Variants in FAXC observed in about 807,000 individuals in gnomAD.
The protein encoded by FAXC is failed axon connections homolog, metaxin like GST domain containing, also known as failed axon connections homolog.
Under a neutral mutation model 41.9 loss-of-function variants are expected in FAXC, and 10 were observed. The observed-to-expected ratio is 0.24, with a 90% CI of 0.15 to 0.41. The LOEUF is 0.41. FAXC is among the 10% of genes least tolerant of loss of function. The pLI, the probability that FAXC is intolerant of heterozygous loss-of-function variation, is 1.00. For synonymous variants in FAXC, 183 were observed against 183.8 expected, an observed-to-expected ratio of 1.00 and a Z score of 0.03; for missense variants, 399 against 510.9, an observed-to-expected ratio of 0.78 and a Z score of 2.11.
In FAXC at chr6:99,325,953, C is replaced by A. The variant is rs78362346; in HGVS notation, c.600-2286G>T. ...CATAAGCATAACTGATCGAGCTCAC[C>A]GGGCAGAGCAGAGGGTGAAGGTGTA... is the stretch of plus-strand genomic sequence containing the variant. On this transcript the variant is annotated intron_variant, in intron 3 of 5. Transcript: ENST00000389677. Among the ~76,000 whole-genome samples the A allele has an allele frequency of 8.1e-3, 1,234 of 152,206 alleles. 10 individuals are homozygous for A. Among genetic ancestry groups the A allele is most frequent in the African/African-American group, 0.027 (1,137 of 41,518 alleles).
chr6:99,348,308 T>C (rs535382668), intron 1 of FAXC, among the ~76,000 whole-genome samples: 2 of 152,366 alleles, frequency 1.3e-5, no homozygotes, highest in South Asian at 2.1e-4. Context: ...GCCAAACGAC[T>C]GTCTCAGTGC....
Position 99,342,889 on chromosome 6 carries a change from C to T in FAXC, c.402+9G>A, listed in dbSNP as rs534750559. ...GTCATAAAAAGAAAACATATTTGCA[C>T]ACAAGTACCTGATACGGTAAGTCAG... is the stretch of plus-strand genomic sequence containing the variant. On this transcript the variant is annotated intron_variant, in intron 2 of 5. Transcript: ENST00000389677. 1.9e-6 allele frequency: 3 copies of T among 1,587,568 alleles called. No individual in the cohort carries two copies. The highest frequency in any genetic ancestry group is 1.4e-5 in the African/African-American group (1 of 73,430).
intron 3 of FAXC, among the ~76,000 whole-genome samples, chr6:99,326,845 G>C (rs573629122): frequency 8.1e-4 from 124 of 152,324 alleles, no homozygotes; most frequent in African/African-American, 3.0e-3. Context: ...TTCCTCCGTA[G>C]CATGGGAAAT....
intron 5 of FAXC, among the ~76,000 whole-genome samples, chr6:99,284,598 T>TGTGTGTGTGTGTGTGTGA (rs34495212): frequency 4.0e-4 from 57 of 142,946 alleles, no homozygotes; most frequent in South Asian, 1.8e-3. Context: ...TGTGTGTGTG[T>TGTGTGTGTGTGTGTGTGA]GATAAGCCTG....
intron 5 of FAXC, among the ~76,000 whole-genome samples, chr6:99,288,859 T>C (rs221546): frequency 0.055 from 8,057 of 145,786 alleles, 239 homozygotes; most frequent in Non-Finnish European, 0.062. Context: ...CACACACACA[T>C]ACACACACAC....
intron 4 of FAXC, chr6:99,310,066 G>A (rs1453088138): frequency 5.8e-6 from 1 of 173,886 alleles, no homozygotes; most frequent in Non-Finnish European, 1.1e-5. Context: ...GCTGTTTTAA[G>A]ACCAGAGTTA....
chr6:99,286,798 T>C (rs1246027651), intron 5 of FAXC, among the ~76,000 whole-genome samples: 1 of 152,212 alleles, frequency 6.6e-6, no homozygotes, highest in East Asian at 1.9e-4. Flanking sequence ...TTAGGAATGT[T>C]GCTAATAATA....
chr6:99,306,569 T>C (rs1371375488), intron 4 of FAXC, among the ~76,000 whole-genome samples: 1 of 152,092 alleles, frequency 6.6e-6, no homozygotes, highest in East Asian at 1.9e-4. Flanking sequence ...TGTGGGAGTA[T>C]GCAATGTGAG....
chr6:99,347,682 T>C lies in FAXC; in HGVS notation c.266+1425A>G, dbSNP rs114285750. Among the ~76,000 whole-genome samples the C allele has an allele frequency of 3.2e-3, 490 of 152,330 alleles. 1 individual carries two copies. Among genetic ancestry groups the C allele is most frequent in the African/African-American group, 0.011 (465 of 41,572 alleles). ...CTCCCTCCACTGCTGAGAAGCCTCA[T>C]GGTTTGGGATCTCCTCAAAGGCTTT... On this transcript the variant is annotated intron_variant, in intron 1 of 5. Coordinates refer to ENST00000389677, the MANE Select transcript of FAXC (RefSeq NM_032511.4).
chr6:99,284,692 C>T (rs1770958102), intron 5 of FAXC, among the ~76,000 whole-genome samples: 1 of 151,884 alleles, frequency 6.6e-6, no homozygotes, highest in Admixed American at 6.6e-5. Context: ...GTGGGCGGAT[C>T]ACCTGAGGCC....
At chr6:99,289,663 A>G (rs761351819) in intron 5 of FAXC, among the ~76,000 whole-genome samples, 15 of 143,928 alleles carry the variant, frequency 1.0e-4, no homozygotes, top group Non-Finnish European at 1.9e-4. Flanking sequence ...TAAAATATAT[A>G]TGTATATGTA....
At chr6:99,337,697 T>C (rs1238833408) in intron 2 of FAXC, among the ~76,000 whole-genome samples, 1 of 152,198 alleles carries the variant, frequency 6.6e-6, no homozygotes, top group Non-Finnish European at 1.5e-5. Context: ...TATAAGTCTA[T>C]CATTATTACA....
At chr6:99,331,749 A>T (rs1448197088) in intron 3 of FAXC, among the ~76,000 whole-genome samples, 1 of 152,208 alleles carries the variant, frequency 6.6e-6, no homozygotes, top group African/African-American at 2.4e-5. Context: ...GGGAAGGAAC[A>T]TGGGTCACGT....
At position 99,272,097 on chromosome 6, in the gene FAXC, G is replaced by A. The variant is rs2128443186; in HGVS notation, c.*9067C>T. ...AACGTCTTTCTTCATCTGTAATTTG[G>A]GAACAATAATTACTTTATTGAAGAG... On this transcript the variant is annotated 3_prime_UTR_variant, in exon 6 of 6. Coordinates refer to ENST00000389677, the MANE Select transcript of FAXC (RefSeq NM_032511.4). 1 of 151,078 alleles carries A rather than the reference G, an allele frequency of 6.6e-6. No homozygotes were observed. The highest frequency in any genetic ancestry group is 2.1e-4 in the South Asian group (1 of 4,758). The allele number at this position is 151,078 out of a possible 1,614,324, so 9.4% of individuals were successfully genotyped here.
intron 3 of FAXC, among the ~76,000 whole-genome samples, chr6:99,328,984 A>C (rs977103856): frequency 2.0e-5 from 3 of 152,216 alleles, no homozygotes; most frequent in African/African-American, 7.2e-5. Flanking sequence ...AAAATGGGAA[A>C]AGAGAACAAA....
At chr6:99,300,793 T>A (rs1212084372) in intron 4 of FAXC, among the ~76,000 whole-genome samples, 6 of 152,238 alleles carry the variant, frequency 3.9e-5, no homozygotes, top group Non-Finnish European at 8.8e-5. Flanking sequence ...GACTATCTGG[T>A]AGCCACCAAA....
chr6:99,317,674 A>G (rs1047869249), intron 4 of FAXC, among the ~76,000 whole-genome samples: 4 of 152,068 alleles, frequency 2.6e-5, no homozygotes, highest in African/African-American at 9.7e-5. Context: ...TTATCTGTCA[A>G]ATGGGTGGTG....
intron 4 of FAXC, among the ~76,000 whole-genome samples, chr6:99,302,025 C>T (rs1318663410): frequency 6.6e-6 from 1 of 152,232 alleles, no homozygotes; most frequent in Non-Finnish European, 1.5e-5. Flanking sequence ...AGCTGAGTGC[C>T]TCTGCTGGGT....
chr6:99,302,522 G>T (rs897993374), intron 4 of FAXC, among the ~76,000 whole-genome samples: 1 of 152,120 alleles, frequency 6.6e-6, no homozygotes, highest in Non-Finnish European at 1.5e-5. Flanking sequence ...TGGGCGTGGT[G>T]GCGCATGCCT....
Sources: gnomAD v4.1 joint callset for allele counts (sites outside exome capture counted in the v4.1 genomes callset) on GRCh38, gnomAD v4.1.1 for gene constraint, MANE v1.5 for transcripts, NCBI Gene and HGNC (gene_info 2026-07-23, HGNC 2026-07-21) for gene names.